GRM1: variants seen among roughly 807,000 people sequenced by gnomAD.
GRM1 encodes the protein metabotropic glutamate receptor 1.
Under a neutral mutation model 90.9 loss-of-function variants are expected in GRM1, and 33 were observed. The ratio of observed to expected loss-of-function variants is 0.36; its 90% confidence interval spans 0.28 to 0.49. The LOEUF is 0.49. Ranked by LOEUF, GRM1 falls within the 20% of genes least tolerant of loss-of-function variation. GRM1 has a pLI of 0.99. For synonymous variants in GRM1, 700 were observed against 613.2 expected, an observed-to-expected ratio of 1.14 and a Z score of -2.09; for missense variants, 1,190 against 1,534.3, an observed-to-expected ratio of 0.78 and a Z score of 3.75.
intron 1 of GRM1, among the ~76,000 whole-genome samples, chr6:146,149,001 AATG>A (rs1777216880): frequency 6.6e-6 from 1 of 152,124 alleles, no homozygotes; most frequent in African/African-American, 2.4e-5. Context: ...TTTTTCCAAG[AATG>A]ATGATCTCCT....
intron 4 of GRM1, 67 bp downstream of exon 4, chr6:146,352,563 T>G: frequency 6.7e-7 from 1 of 1,488,692 alleles, no homozygotes; most frequent in Non-Finnish European, 9.3e-7. Context: ...ATGGCAACTG[T>G]GGCTTCATCT....
At chr6:146,174,985 G>A (rs528602373) in intron 2 of GRM1, among the ~76,000 whole-genome samples, 1 of 152,140 alleles carries the variant, frequency 6.6e-6, no homozygotes, top group Admixed American at 6.5e-5. Flanking sequence ...GGTGGGGGGC[G>A]GATAGAGAGA....
intron 2 of GRM1, among the ~76,000 whole-genome samples, chr6:146,218,059 T>C (rs545972437): frequency 6.6e-6 from 1 of 152,316 alleles, no homozygotes; most frequent in South Asian, 2.1e-4. Flanking sequence ...ATGAAAAAAG[T>C]ACCAAGTATA....
intron 2 of GRM1, among the ~76,000 whole-genome samples, chr6:146,190,963 CT>C (rs1778917500): frequency 6.6e-6 from 1 of 152,156 alleles, no homozygotes; most frequent in South Asian, 2.1e-4. Flanking sequence ...GTATTCATAG[CT>C]CCTTAAGATT....
intron 1 of GRM1, among the ~76,000 whole-genome samples, chr6:146,056,608 T>C (rs750985747): frequency 1.3e-5 from 2 of 152,100 alleles, no homozygotes; most frequent in African/African-American, 2.4e-5. Flanking sequence ...ACGCTTTTAC[T>C]CAGGGCCTTC....
rs568735131 is a variant in GRM1 at position 146,236,130 on chromosome 6, T to A, written c.951-68481T>A. 3.3e-5 allele frequency among the ~76,000 whole-genome samples: 5 copies of A among 152,260 alleles called. No homozygotes were observed. The East Asian group carries it at 9.7e-4, about 29-fold the overall frequency. On this transcript the variant is annotated intron_variant, in intron 2 of 7. Transcript: ENST00000282753. ...GCTTCTAATTCTTCCAAAGCAGTCC[T>A]CTGTAATAGAAATATAATACATGGT...
At chr6:146,092,085 C>T (rs1458726156) in intron 1 of GRM1, among the ~76,000 whole-genome samples, 1 of 152,080 alleles carries the variant, frequency 6.6e-6, no homozygotes, top group African/African-American at 2.4e-5. Context: ...ACAAAAATAC[C>T]GTAGTTTGGG....
chr6:146,293,073 T>A (rs760365585), intron 2 of GRM1, among the ~76,000 whole-genome samples: 4 of 151,892 alleles, frequency 2.6e-5, no homozygotes, highest in Admixed American at 6.6e-5. Flanking sequence ...AATAGGTAAA[T>A]CTATAGAGAT....
At chr6:146,053,415 C>T (rs1482470355) in intron 1 of GRM1, among the ~76,000 whole-genome samples, 2 of 151,898 alleles carry the variant, frequency 1.3e-5, no homozygotes, top group South Asian at 2.1e-4. Flanking sequence ...TTATGTAAGG[C>T]ATATATGACA....
At position 146,059,505 on chromosome 6, in the gene GRM1, C is replaced by T. The variant is rs1290667792; in HGVS notation, c.700+29288C>T. On this transcript the variant is annotated intron_variant, in intron 1 of 7. Coordinates refer to ENST00000282753, the MANE Select transcript of GRM1 (RefSeq NM_001278064.2). Reference sequence around the variant, plus strand: ...GTAGATTAAGCATAACTTTTAAAGGCCTCAGATTTTCAAAATGATAAATGA... The same window carrying T: ...GTAGATTAAGCATAACTTTTAAAGGTCTCAGATTTTCAAAATGATAAATGA... 2.6e-5 allele frequency among the ~76,000 whole-genome samples: 4 copies of T among 152,058 alleles called. No individual in the cohort carries two copies. In the East Asian group the frequency reaches 7.7e-4, roughly 29 times the overall value.
At chr6:146,378,664 C>T (rs974596289) in intron 5 of GRM1, among the ~76,000 whole-genome samples, 1 of 152,138 alleles carries the variant, frequency 6.6e-6, no homozygotes, top group Non-Finnish European at 1.5e-5. Flanking sequence ...ATTTTACAGG[C>T]TTATAGATGC....
chr6:146,299,378 T>C (rs1454171655), intron 2 of GRM1, among the ~76,000 whole-genome samples: 2 of 151,912 alleles, frequency 1.3e-5, no homozygotes, highest in Admixed American at 6.6e-5. Context: ...TACCAAGTAT[T>C]TTGCATTAAA....
chr6:146,206,273 G>A (rs1779489939), intron 2 of GRM1, among the ~76,000 whole-genome samples: 1 of 152,144 alleles, frequency 6.6e-6, no homozygotes, highest in Non-Finnish European at 1.5e-5. Context: ...ACACTTGATA[G>A]GGAAGGCAAT....
At chr6:146,296,550 A>T (rs192270374) in intron 2 of GRM1, among the ~76,000 whole-genome samples, 7 of 152,304 alleles carry the variant, frequency 4.6e-5, no homozygotes, top group Admixed American at 4.6e-4. Context: ...TGTACCCTTT[A>T]ACTAACATAT....
At chr6:146,074,243 C>T (rs1381254750) in intron 1 of GRM1, among the ~76,000 whole-genome samples, 1 of 152,066 alleles carries the variant, frequency 6.6e-6, no homozygotes, top group African/African-American at 2.4e-5. Flanking sequence ...GTGGTGTGGG[C>T]AAGATTGTGC....
At chr6:146,104,747 A>G (rs1300473986) in intron 1 of GRM1, among the ~76,000 whole-genome samples, 1 of 152,242 alleles carries the variant, frequency 6.6e-6, no homozygotes, top group Non-Finnish European at 1.5e-5. Flanking sequence ...GTGGGGATAC[A>G]TTCATAAATG....
In GRM1 at chr6:146,434,506, G is replaced by A. The variant is rs536746121; in HGVS notation, c.3295G>A (p.Asp1099Asn). The A allele has an allele frequency of 1.2e-6, 2 of 1,614,082 alleles. No individual in the cohort carries two copies. The highest frequency in any genetic ancestry group is 1.7e-6 in the Non-Finnish European group (2 of 1,180,010). The change falls in exon 8 of 8, where the codon GAC (aspartate) becomes AAC (asparagine). Residue 1099 changes from aspartate (D) to asparagine (N), a missense_variant. Asp to Asn is a conservative substitution (Grantham distance 23). Around this residue, in one of 10 missense-constraint regions of GRM1, gnomAD observed 400 missense variants for 360.8 expected, o/e 1.11. Coordinates refer to ENST00000282753, the MANE Select transcript of GRM1 (RefSeq NM_001278064.2). ...LVSPPADDDD[D>N]SERFKLLQEY... is the part of the protein sequence containing the mutation. ...CTCCCCGCCCGCGGACGACGACGAC[G>A]ACAGCGAGAGGTTTAAGCTCCTCCA...
At chr6:146,100,452 T>A (rs1777013181) in intron 1 of GRM1, among the ~76,000 whole-genome samples, 1 of 152,224 alleles carries the variant, frequency 6.6e-6, no homozygotes, top group Non-Finnish European at 1.5e-5. Context: ...CTCTGGTTTT[T>A]AATTGATTTT....
At chr6:146,205,754 A>G (rs1583163091) in intron 2 of GRM1, among the ~76,000 whole-genome samples, 1 of 152,146 alleles carries the variant, frequency 6.6e-6, no homozygotes, top group Admixed American at 6.5e-5. Flanking sequence ...TGGGGCACAC[A>G]CTTTTTCTGA....
Sources: gnomAD v4.1 joint callset for allele counts (sites outside exome capture counted in the v4.1 genomes callset) on GRCh38, gnomAD v4.1.1 for gene constraint, gnomAD v4.1.1 regional missense constraint, MANE v1.5 for transcripts, NCBI Gene and HGNC (gene_info 2026-07-23, HGNC 2026-07-21) for gene names.